Variants in MTMR3 observed in about 807,000 individuals in gnomAD.
MTMR3 encodes myotubularin related protein 3.
MTMR3 carries 32 observed loss-of-function variants against 132.4 expected under a neutral mutation model. The ratio of observed to expected loss-of-function variants is 0.24; its 90% confidence interval spans 0.18 to 0.32. The LOEUF (loss-of-function observed/expected upper bound fraction) is 0.32. Among genes scored for constraint, MTMR3 ranks in the 10% least tolerant of loss-of-function variants. The pLI is 1.00. For synonymous variants in MTMR3, 556 were observed against 550.3 expected (o/e 1.01, Z -0.14); for missense variants, 1,216 against 1,489.6 (o/e 0.82, Z 3.02).
chr22:29,944,237 G>A (rs1569017047), intron 1 of MTMR3, among the ~76,000 whole-genome samples: 1 of 151,356 alleles, frequency 6.6e-6, no homozygotes, highest in Non-Finnish European at 1.5e-5. Flanking sequence ...AAAAGTAATT[G>A]TGGTTTTTGC....
chr22:29,906,322 A>ATCTG (rs2065101832), intron 1 of MTMR3, among the ~76,000 whole-genome samples: 6 of 137,598 alleles, frequency 4.4e-5, no homozygotes, highest in African/African-American at 1.8e-4. Flanking sequence ...CTATCTATCT[A>ATCTG]TCTATCTATC....
intron 3 of MTMR3, among the ~76,000 whole-genome samples, chr22:29,971,498 G>T (rs572565899): frequency 6.6e-6 from 1 of 152,058 alleles, no homozygotes; most frequent in African/African-American, 2.4e-5. Flanking sequence ...TATATATTGT[G>T]TACAGCATAA....
intron 7 of MTMR3, chr22:29,997,868 C>T (rs550908986): frequency 1.1e-4 from 16 of 152,204 alleles, no homozygotes; most frequent in African/African-American, 2.6e-4. Flanking sequence ...ATACCTTTCA[C>T]GAAAGAAATA....
intron 1 of MTMR3, among the ~76,000 whole-genome samples, chr22:29,894,550 T>C (rs2064858878): frequency 6.6e-6 from 1 of 151,226 alleles, no homozygotes; most frequent in Non-Finnish European, 1.5e-5. Context: ...TGGTATGTTT[T>C]AAATATCAAA....
intron 16 of MTMR3, chr22:30,018,852 G>A (rs1294174985): frequency 6.6e-6 from 1 of 152,192 alleles, no homozygotes; most frequent in Non-Finnish European, 1.5e-5. Flanking sequence ...AGAAACACCA[G>A]TGCTACTTTG....
intron 1 of MTMR3, among the ~76,000 whole-genome samples, chr22:29,918,419 GGTA>G (rs2065348561): frequency 6.6e-6 from 1 of 152,190 alleles, no homozygotes; most frequent in East Asian, 1.9e-4. Context: ...TTTGATAGCA[GGTA>G]GTAGCTCTCT....
At chr22:29,894,088 G>A (rs1568992972) in intron 1 of MTMR3, among the ~76,000 whole-genome samples, 1 of 152,068 alleles carries the variant, frequency 6.6e-6, no homozygotes, top group South Asian at 2.1e-4. Flanking sequence ...CAGGTGACCC[G>A]CCCATCTTGA....
intron 1 of MTMR3, among the ~76,000 whole-genome samples, chr22:29,931,117 G>T (rs1379297073): frequency 6.6e-6 from 1 of 151,822 alleles, no homozygotes; most frequent in African/African-American, 2.4e-5. Flanking sequence ...AATTGATTTG[G>T]CAACTTTATG....
At position 30,016,327 on chromosome 22, in the gene MTMR3, A is replaced by G. The variant is rs2067590695; in HGVS notation, c.1504-201A>G. On this transcript the variant is annotated intron_variant, in intron 14 of 19. Transcript: ENST00000401950. ...GCTAAGAGGAATAGGGGCACCAACA[A>G]CCTGTCTGACTCAGGTTGTTGGGTC... 3 of 553,098 alleles carry G rather than the reference A, an allele frequency of 5.4e-6. 1 individual carries two copies. The highest frequency in any genetic ancestry group is 9.6e-6 in the Non-Finnish European group (3 of 311,784). The allele number at this position is 553,098 out of a possible 1,614,324, so 34.3% of individuals were successfully genotyped here.
intron 7 of MTMR3, chr22:29,993,336 T>A (rs2067000503): frequency 6.6e-6 from 1 of 152,216 alleles, no homozygotes. Context: ...ATTTGGGGGT[T>A]TTTCTTAAAG....
intron 1 of MTMR3, among the ~76,000 whole-genome samples, chr22:29,943,497 G>C (rs112572499): frequency 2.6e-5 from 4 of 152,128 alleles, no homozygotes; most frequent in African/African-American, 7.2e-5. Flanking sequence ...GCCTTGATGT[G>C]TGTATTTTTC....
At chr22:29,946,482 T>G (rs1171771273) in intron 1 of MTMR3, among the ~76,000 whole-genome samples, 1 of 152,212 alleles carries the variant, frequency 6.6e-6, no homozygotes, top group Non-Finnish European at 1.5e-5. Context: ...TCCTGTTGCA[T>G]GTGCACCAGG....
intron 1 of MTMR3, among the ~76,000 whole-genome samples, chr22:29,921,810 TTAACA>T (rs2065419587): frequency 6.6e-6 from 1 of 152,100 alleles, no homozygotes; most frequent in African/African-American, 2.4e-5. Context: ...CTTATTTCAC[TTAACA>T]TAATGTCTTT....
Position 30,026,232 on chromosome 22 carries a change from T to G in MTMR3, c.*431T>G. 1.2e-5 allele frequency: 2 copies of G among 173,248 alleles called. No individual in the cohort carries two copies. Among genetic ancestry groups the G allele is most frequent in the Non-Finnish European group, 2.5e-5 (2 of 80,052 alleles). The allele number at this position is 173,248 out of a possible 1,614,324, so 10.7% of individuals were successfully genotyped here. ...GAAAGCCAGTGCTAACATGCAACCA[T>G]TCCTCACGCCACCGCCACATCAGAG... On this transcript the variant is annotated 3_prime_UTR_variant, in exon 20 of 20. Coordinates refer to ENST00000401950, the MANE Select transcript of MTMR3 (RefSeq NM_021090.4).
intron 1 of MTMR3, among the ~76,000 whole-genome samples, chr22:29,923,758 T>C (rs1368611307): frequency 6.6e-6 from 1 of 152,104 alleles, no homozygotes; most frequent in Non-Finnish European, 1.5e-5. Flanking sequence ...TGCATGACCT[T>C]ATTTAACCTT....
At chr22:30,022,379 C>T (rs1221130159) in intron 18 of MTMR3, 2 of 607,792 alleles carry the variant, frequency 3.3e-6, no homozygotes, top group East Asian at 2.7e-5. Context: ...TGCCAGCTCT[C>T]ACAGTGACCC....
intron 16 of MTMR3, 141 bp from the exon 17 acceptor site, chr22:30,019,339 C>A (rs1293924453): frequency 1.3e-6 from 1 of 777,372 alleles, no homozygotes; most frequent in East Asian, 2.7e-5. Flanking sequence ...GCAGTCTGGG[C>A]CTCGCTCCAG....
chr22:29,935,577 A>G (rs1207885228), intron 1 of MTMR3, among the ~76,000 whole-genome samples: 1 of 152,206 alleles, frequency 6.6e-6, no homozygotes, highest in African/African-American at 2.4e-5. Context: ...TTTCTCCACT[A>G]GGTCAAAGAG....
At position 29,979,564 on chromosome 22, in the gene MTMR3, G is replaced by A. The variant is rs540901820; in HGVS notation, c.210+512G>A. 9.9e-5 allele frequency: 19 copies of A among 191,150 alleles called. 1 individual carries two copies. The South Asian group carries it at 1.8e-3, about 18-fold the overall frequency. The allele number at this position is 191,150 out of a possible 1,614,324, so 11.8% of individuals were successfully genotyped here. The stretch of plus-strand genomic sequence containing the variant: ...GCTCTTATGCTTGATTTAAAATGAT[G>A]TGTGTAGTTGTCAGCTGAGGTGTCC... On this transcript the variant is annotated intron_variant, in intron 5 of 19. Coordinates refer to ENST00000401950, the MANE Select transcript of MTMR3 (RefSeq NM_021090.4).
Sources: allele counts gnomAD v4.1 joint callset (sites outside exome capture counted in the v4.1 genomes callset), GRCh38; gene constraint gnomAD v4.1.1; transcripts MANE v1.5; gene names NCBI Gene and HGNC (gene_info 2026-07-23, HGNC 2026-07-21).